LRRC4C: variants seen among roughly 807,000 people sequenced by gnomAD.
The protein encoded by LRRC4C is leucine rich repeat containing 4C.
Under a neutral mutation model 33.6 loss-of-function variants are expected in LRRC4C, and 5 were observed. That is an observed-to-expected ratio of 0.15 (90% confidence interval 0.08 to 0.31). LRRC4C has a LOEUF of 0.31. Among genes scored for constraint, LRRC4C ranks in the 10% least tolerant of loss-of-function variants. LRRC4C has a pLI of 1.00. For missense variants in LRRC4C, 560 were observed against 796.7 expected (o/e 0.70, Z 3.58); for synonymous variants, 329 against 302.0 (o/e 1.09, Z -0.93).
At chr11:41,186,167 G>A (rs1206326576) in intron 1 of LRRC4C, among the ~76,000 whole-genome samples, 1 of 152,070 alleles carries the variant, frequency 6.6e-6, no homozygotes, top group Non-Finnish European at 1.5e-5. Flanking sequence ...CCAAAAAAAG[G>A]AGAAAGACTG....
At chr11:40,950,742 C>T (rs1341375678) in intron 1 of LRRC4C, among the ~76,000 whole-genome samples, 1 of 151,712 alleles carries the variant, frequency 6.6e-6, no homozygotes, top group Non-Finnish European at 1.5e-5. Flanking sequence ...AGTTTATTTC[C>T]CAGAGGTAAC....
chr11:41,198,338 C>A (rs951315528), intron 1 of LRRC4C, among the ~76,000 whole-genome samples: 2 of 151,880 alleles, frequency 1.3e-5, no homozygotes, highest in Non-Finnish European at 2.9e-5. Context: ...ATAGCAGTTA[C>A]CTAGATTAAA....
intron 1 of LRRC4C, among the ~76,000 whole-genome samples, chr11:41,108,660 A>T (rs1237821163): frequency 6.6e-6 from 1 of 152,162 alleles, no homozygotes; most frequent in Non-Finnish European, 1.5e-5. Flanking sequence ...TGAAACCAAT[A>T]GTATTTTGCT....
intron 6 of LRRC4C, among the ~76,000 whole-genome samples, chr11:40,137,420 A>G (rs1175812076): frequency 6.6e-6 from 1 of 152,052 alleles, no homozygotes; most frequent in Non-Finnish European, 1.5e-5. Context: ...GCACAAAGTC[A>G]TTGCCTCATT....
At chr11:40,865,506 A>AGT (rs966203835) in intron 2 of LRRC4C, among the ~76,000 whole-genome samples, 4 of 65,098 alleles carry the variant, frequency 6.1e-5, no homozygotes, top group Non-Finnish European at 8.5e-5. Context: ...GCCATTCCAC[A>AGT]GTGTGTATAT....
intron 3 of LRRC4C, among the ~76,000 whole-genome samples, chr11:40,644,475 C>A (rs368215586): frequency 6.6e-6 from 1 of 152,128 alleles, no homozygotes; most frequent in Admixed American, 6.5e-5. Context: ...TACATGAATA[C>A]CTATAGTGAA....
intron 1 of LRRC4C, among the ~76,000 whole-genome samples, chr11:41,079,057 C>T (rs1335452150): frequency 6.6e-6 from 1 of 152,180 alleles, no homozygotes; most frequent in Non-Finnish European, 1.5e-5. Flanking sequence ...TCAAAACCCT[C>T]TTATAGCTTC....
At chr11:40,197,841 A>C (rs1862389295) in intron 5 of LRRC4C, among the ~76,000 whole-genome samples, 1 of 152,196 alleles carries the variant, frequency 6.6e-6, no homozygotes, top group African/African-American at 2.4e-5. Flanking sequence ...ACAGTACTTC[A>C]TATCTAGTCA....
intron 3 of LRRC4C, among the ~76,000 whole-genome samples, chr11:40,365,669 G>A (rs150007232): frequency 2.6e-5 from 4 of 152,122 alleles, no homozygotes; most frequent in Non-Finnish European, 4.4e-5. Context: ...TAAATGTCAT[G>A]AGTGGTGACT....
At chr11:40,131,224 G>A (rs1200594195) in intron 6 of LRRC4C, among the ~76,000 whole-genome samples, 1 of 152,106 alleles carries the variant, frequency 6.6e-6, no homozygotes, top group Non-Finnish European at 1.5e-5. Context: ...GAAGTCCATT[G>A]CTAAGACTTA....
At chr11:41,241,683 GT>G (rs1948256306) in intron 1 of LRRC4C, among the ~76,000 whole-genome samples, 1 of 152,120 alleles carries the variant, frequency 6.6e-6, no homozygotes, top group African/African-American at 2.4e-5. Flanking sequence ...TATCAAGAAT[GT>G]TTTGTAGGTA....
chr11:40,889,001 C>A (rs1185270161), intron 2 of LRRC4C, among the ~76,000 whole-genome samples: 1 of 151,944 alleles, frequency 6.6e-6, no homozygotes, highest in Non-Finnish European at 1.5e-5. Flanking sequence ...AAGGGTCCTT[C>A]CTTCCTGGAG....
chr11:40,636,487 CCCCATA>C lies in LRRC4C; in HGVS notation c.-270+11649_-270+11654del, dbSNP rs553984537. Among the ~76,000 whole-genome samples the C allele has an allele frequency of 1.5e-3, 229 of 152,170 alleles. 1 individual carries two copies. The highest frequency in any genetic ancestry group is 0.01 in the Middle Eastern group (3 of 294). On this transcript the variant is annotated intron_variant, in intron 3 of 6. Transcript: ENST00000528697. Reference sequence around the variant, plus strand: ...GAAAGTAAAGGAAAACCAACTAAAGCCCCATACCATAAGAAAGGCTCAAAATGATAT... The same window carrying C: ...GAAAGTAAAGGAAAACCAACTAAAGCCCATAAGAAAGGCTCAAAATGATAT...
At chr11:41,434,357 A>C (rs1440392522) in intron 1 of LRRC4C, among the ~76,000 whole-genome samples, 2 of 152,228 alleles carry the variant, frequency 1.3e-5, no homozygotes, top group Admixed American at 6.5e-5. Context: ...AGAAAGCAAA[A>C]AAATTTGAAA....
chr11:41,440,024 C>T (rs1333353548), intron 1 of LRRC4C, among the ~76,000 whole-genome samples: 6 of 152,056 alleles, frequency 3.9e-5, no homozygotes, highest in Non-Finnish European at 8.8e-5. Flanking sequence ...ATTTTTGTGG[C>T]CTTTGTTTTT....
chr11:40,948,320 C>A (rs1371480282), intron 1 of LRRC4C, among the ~76,000 whole-genome samples: 2 of 152,116 alleles, frequency 1.3e-5, no homozygotes, highest in African/African-American at 4.8e-5. Context: ...CTAATTATTT[C>A]TGTAAGAGGA....
At chr11:41,289,421 G>A (rs749812911) in intron 1 of LRRC4C, among the ~76,000 whole-genome samples, 2 of 152,156 alleles carry the variant, frequency 1.3e-5, no homozygotes, top group African/African-American at 2.4e-5. Flanking sequence ...AGCACTAACG[G>A]TTAACATAAC....
chr11:40,985,822 A>C (rs1852948463), intron 1 of LRRC4C, among the ~76,000 whole-genome samples: 1 of 152,136 alleles, frequency 6.6e-6, no homozygotes, highest in Non-Finnish European at 1.5e-5. Flanking sequence ...TGACAAGTAG[A>C]TGGATTGTAG....
chr11:41,391,177 A>T (rs1438498576), intron 1 of LRRC4C, among the ~76,000 whole-genome samples: 1 of 151,838 alleles, frequency 6.6e-6, no homozygotes, highest in Admixed American at 6.6e-5. Flanking sequence ...GGTTTAAGGT[A>T]ACATTTCTCT....
Sources: allele counts gnomAD v4.1 joint callset (sites outside exome capture counted in the v4.1 genomes callset), GRCh38; gene constraint gnomAD v4.1.1; transcripts MANE v1.5; gene names NCBI Gene and HGNC (gene_info 2026-07-23, HGNC 2026-07-21).